VARS1: variants seen among roughly 807,000 people sequenced by gnomAD.
The protein encoded by VARS1 is valine--tRNA ligase.
Under a neutral mutation model 161.0 loss-of-function variants are expected in VARS1, and 92 were observed. The observed-to-expected ratio is 0.57, with a 90% CI of 0.48 to 0.68. The LOEUF is 0.68. VARS1 is among the 30% of genes least tolerant of loss of function. The pLI is 0.00. For synonymous variants in VARS1, 595 were observed against 682.5 expected (o/e 0.87, Z 2.00); for missense variants, 1,338 against 1,695.9 (o/e 0.79, Z 3.71).
At chr6:31,792,725 C>A (rs1562314174) in intron 4 of VARS1, 32 bp downstream of exon 4, 1 of 1,612,838 alleles carries the variant, frequency 6.2e-7, no homozygotes, top group Non-Finnish European at 8.5e-7. Flanking sequence ...CCCAGGGAAG[C>A]CCCTATCCTC....
chr6:31,779,020 A>T lies in VARS1; in HGVS notation c.3673T>A (p.Ser1225Thr). ...AQRLRERRAA[S>T]GYPVKVPLEV... Reference sequence around the variant, plus strand: ...AGCGGCACCTTGACAGGATAGCCCGAGGCAGCACGGCGTTCCCGCAGACGC... The same window carrying T: ...AGCGGCACCTTGACAGGATAGCCCGTGGCAGCACGGCGTTCCCGCAGACGC... The change falls in exon 29 of 30, where the codon TCG becomes ACG. Residue 1225 changes from serine to threonine, a missense_variant. Around this residue, in one of 3 missense-constraint regions of VARS1, gnomAD observed 433 missense variants for 586.2 expected, o/e 0.74. Transcript: ENST00000375663. This position sits in a 1 kb window ranked among gnomAD's most constrained non-coding sequence, Gnocchi z 9.1. 6.2e-7 allele frequency: 1 copy of T among 1,613,010 alleles called. No individual in the cohort carries two copies. The highest frequency in any genetic ancestry group is 8.5e-7 in the Non-Finnish European group (1 of 1,180,020).
rs1813053975 is a variant in VARS1, at chr6:31,780,348, G to A, written c.2925+93C>T. On this transcript the variant is annotated intron_variant, in intron 25 of 29. Transcript: ENST00000375663. This position sits in a 1 kb window ranked among gnomAD's most constrained non-coding sequence, Gnocchi z 5.1. ...TTTCCCTTTAACTGTCTGTCTCTGT[G>A]TCTATCTGTCCCCCCAGCTACATGG... 1 of 1,554,564 alleles carries A rather than the reference G, an allele frequency of 6.4e-7. No individual in the cohort carries two copies. The highest frequency in any genetic ancestry group is 8.7e-7 in the Non-Finnish European group (1 of 1,150,376).
chr6:31,777,688 A>G lies in VARS1; in HGVS notation c.3727-26T>C, dbSNP rs1419392752. On this transcript the variant is annotated intron_variant, in intron 29 of 29. Coordinates refer to ENST00000375663, the MANE Select transcript of VARS1 (RefSeq NM_006295.3). This position sits in a 1 kb window ranked among gnomAD's most constrained non-coding sequence, Gnocchi z 5.8. ...CTGGAGTGGAACCAGGGGGTGGGTG[A>G]GGACCCAGGTCCAAGTGAAGAGACC... The G allele has an allele frequency of 1.2e-6, 2 of 1,608,746 alleles. No homozygotes were observed. The highest frequency in any genetic ancestry group is 2.2e-5 in the South Asian group (2 of 90,106).
Position 31,794,894 on chromosome 6 carries a change from T to C in VARS1, c.324A>G (p.Ile108Met). Residue 108 changes from isoleucine (I) to methionine (M), a missense_variant, in exon 2 of 30, where the codon ATA (isoleucine) becomes ATG (methionine). By Grantham distance (10) the Ile-to-Met change is conservative. This residue lies in a region of VARS1 where 902 missense variants were observed against 1,090.3 expected (regional missense o/e 0.83). Transcript: ENST00000375663. ...GCAGCGTTGCTCCACAGGCAGCTGG[T>C]ATTAACTCCGTGTCGGCGTAACTGA... Reference protein sequence around the residue: ...QWVSYADTELIPAACGATLPA... With the variant: ...QWVSYADTELMPAACGATLPA... 6.2e-7 allele frequency: 1 copy of C among 1,612,636 alleles called. No individual in the cohort carries two copies. Among genetic ancestry groups the C allele is most frequent in the Non-Finnish European group, 8.5e-7 (1 of 1,179,878 alleles).
chr6:31,790,706 G>C (rs1315651673), intron 8 of VARS1, among the ~76,000 whole-genome samples: 1 of 151,710 alleles, frequency 6.6e-6, no homozygotes, highest in Non-Finnish European at 1.5e-5. Flanking sequence ...CAGTATGTGT[G>C]GTATGTGTGT....
chr6:31,781,361 C>A lies in VARS1; in HGVS notation c.2544+120G>T. 1 of 1,453,446 alleles carries A rather than the reference C, an allele frequency of 6.9e-7. No individual in the cohort carries two copies. 90.0% of individuals were successfully genotyped at this position (1,453,446 alleles called of 1,614,324 possible). ...GGCTGGATTTCAACCCCACACCAGC[C>A]CCCGGGTCAGGCCTGCCCACAGCTA... On this transcript the variant is annotated intron_variant, in intron 21 of 29. Transcript: ENST00000375663. The surrounding 1 kb of genome is among the most constrained non-coding windows in gnomAD (Gnocchi z 6.8).
intron 4 of VARS1, 70 bp downstream of exon 4, chr6:31,792,687 A>G: frequency 6.2e-7 from 1 of 1,601,036 alleles, no homozygotes; most frequent in Non-Finnish European, 8.5e-7. Context: ...ATTTCTAGGA[A>G]AAAAAGAAAG....
rs936472047 is a variant in VARS1 at position 31,779,337 on chromosome 6, G to A, written c.3401-45C>T. 4.4e-6 allele frequency: 7 copies of A among 1,601,314 alleles called. No homozygotes were observed. Among genetic ancestry groups the A allele is most frequent in the Non-Finnish European group, 5.9e-6 (7 of 1,179,078 alleles). ...GTGAGGCCTAGCTCCATGGAGACAG[G>A]AAACCAAGCAGTCACTGCCGGACAC... On this transcript the variant is annotated intron_variant, in intron 28 of 29. Coordinates refer to ENST00000375663, the MANE Select transcript of VARS1 (RefSeq NM_006295.3). This position sits in a 1 kb window ranked among gnomAD's most constrained non-coding sequence, Gnocchi z 9.1.
chr6:31,789,884 C>A (rs557963596), intron 8 of VARS1, among the ~76,000 whole-genome samples: 4 of 151,570 alleles, frequency 2.6e-5, no homozygotes, highest in Admixed American at 6.6e-5. Context: ...ATTAGCCGGG[C>A]GTGGTGGTGG....
rs1444342184 is a variant in VARS1, at chr6:31,783,153, G to A, written c.1705C>T (p.Leu569=). 6.2e-7 allele frequency: 1 copy of A among 1,612,844 alleles called. No homozygotes were observed. Among genetic ancestry groups the A allele is most frequent in the East Asian group, 2.2e-5 (1 of 44,888 alleles). ...LKGKNVIHPF[L]SRSLPIVFDE... is the part of the protein sequence containing the mutation. The stretch of plus-strand genomic sequence containing the variant: ...AAGACAATGGGAAGGCTCCGAGACA[G>A]GAATGGGTGGATCACGTTCTTCCCC... The change falls in exon 14 of 30, where the codon CTG becomes TTG. Residue 569 remains leucine, a synonymous_variant. Transcript: ENST00000375663.
Position 31,781,607 on chromosome 6 carries a change from C to A in VARS1, c.2419-1G>T. 6.2e-7 allele frequency: 1 copy of A among 1,612,996 alleles called. No individual in the cohort carries two copies. Among genetic ancestry groups the A allele is most frequent in the African/African-American group, 1.3e-5 (1 of 75,026 alleles). On this transcript the variant is annotated splice_acceptor_variant, in intron 20 of 29. Coordinates refer to ENST00000375663, the MANE Select transcript of VARS1 (RefSeq NM_006295.3). LOFTEE classifies it high-confidence loss of function. The surrounding 1 kb of genome is among the most constrained non-coding windows in gnomAD (Gnocchi z 6.8). ...GGTAGAACACACTCAGGTCTTCTGA[C>A]TGAGGGCAGACCAGGGTGTGAAGGG...
At position 31,781,055 on chromosome 6, in the gene VARS1, G is replaced by A. The variant is rs746462325; in HGVS notation, c.2613C>T (p.Ile871=). The stretch of plus-strand genomic sequence containing the variant: ...TTCCATAGATGACGTCCAGGGGATC[G>A]ATGACATTGCCTAGAGACTTGCTCA... ...RKMSKSLGNV[I]DPLDVIYGIS... is the part of the protein sequence containing the mutation. Residue 871 remains isoleucine (I), a synonymous_variant, in exon 22 of 30, where the codon ATC becomes ATT. Coordinates refer to ENST00000375663, the MANE Select transcript of VARS1 (RefSeq NM_006295.3). This position sits in a 1 kb window ranked among gnomAD's most constrained non-coding sequence, Gnocchi z 6.8. The A allele has an allele frequency of 8.7e-6, 14 of 1,613,862 alleles. No individual in the cohort carries two copies. In the South Asian group the frequency reaches 8.8e-5, roughly 10 times the overall value.
Position 31,791,972 on chromosome 6 carries a change from C to A in VARS1, c.872-1G>T. 6.3e-7 allele frequency: 1 copy of A among 1,581,032 alleles called. No homozygotes were observed. Among genetic ancestry groups the A allele is most frequent in the Non-Finnish European group, 8.6e-7 (1 of 1,162,596 alleles). Reference sequence around the variant, plus strand: ...GAGTCGGGCATGGGGCCACTGACATCTGGGGGAGAGGAAGGGAGGGCTCAG... The same window carrying A: ...GAGTCGGGCATGGGGCCACTGACATATGGGGGAGAGGAAGGGAGGGCTCAG... On this transcript the variant is annotated splice_acceptor_variant, in intron 6 of 29. Coordinates refer to ENST00000375663, the MANE Select transcript of VARS1 (RefSeq NM_006295.3). LOFTEE classifies it high-confidence loss of function. The surrounding 1 kb of genome is among the most constrained non-coding windows in gnomAD (Gnocchi z 5.0).
chr6:31,783,207 A>G, intron 13 of VARS1, 21 bp from the exon 14 acceptor site: 1 of 1,609,704 alleles, frequency 6.2e-7, no homozygotes, highest in Non-Finnish European at 8.5e-7. Context: ...AAAGATACCA[A>G]AAACGCATGA....
chr6:31,789,587 C>T (rs1353416056), intron 8 of VARS1, among the ~76,000 whole-genome samples: 3 of 152,130 alleles, frequency 2.0e-5, no homozygotes, highest in South Asian at 2.1e-4. Context: ...GTGCCCCTGC[C>T]GACCTAGCAG....
chr6:31,777,569 G>C lies in VARS1; in HGVS notation c.*25C>G. 6.2e-7 allele frequency: 1 copy of C among 1,613,818 alleles called. No individual in the cohort carries two copies. Among genetic ancestry groups the C allele is most frequent in the South Asian group, 1.1e-5 (1 of 91,064 alleles). ...CCATCCCCATGGTGAGCCGCTGGGG[G>C]TGAGGGGTGAAGCTGGGTGGTGGAT... On this transcript the variant is annotated 3_prime_UTR_variant, in exon 30 of 30. Transcript: ENST00000375663. This position sits in a 1 kb window ranked among gnomAD's most constrained non-coding sequence, Gnocchi z 5.8.
At chr6:31,788,911 T>C (rs879439600) in intron 8 of VARS1, among the ~76,000 whole-genome samples, 1 of 151,150 alleles carries the variant, frequency 6.6e-6, no homozygotes, top group Non-Finnish European at 1.5e-5. Flanking sequence ...ATATTCCCAG[T>C]GCTCAGAGCA....
Position 31,779,270 on chromosome 6 carries a change from C to A in VARS1, c.3423G>T (p.Glu1141Asp). 1.2e-6 allele frequency: 2 copies of A among 1,603,278 alleles called. No individual in the cohort carries two copies. The highest frequency in any genetic ancestry group is 1.7e-6 in the Non-Finnish European group (2 of 1,179,576). Reference sequence around the variant, plus strand: ...CCGCCGATGCCAGGGCGCCCGTGGCCTCATCCGCCACTTCCAGGAAACCTG... The same window carrying A: ...CCGCCGATGCCAGGGCGCCCGTGGCATCATCCGCCACTTCCAGGAAACCTG... ...RPDCFLEVAD[E>D]ATGALASAVS... Residue 1141 changes from glutamate (E) to aspartate (D), a missense_variant, in exon 29 of 30, where the codon GAG becomes GAT. Physicochemically the swap from Glu to Asp is conservative, Grantham distance 45 (BLOSUM62 2). This residue lies in a region of VARS1 where 433 missense variants were observed against 586.2 expected (regional missense o/e 0.74). Transcript: ENST00000375663. This position sits in a 1 kb window ranked among gnomAD's most constrained non-coding sequence, Gnocchi z 9.1.
rs747572582 is a variant in VARS1, at chr6:31,782,370, C to G, written c.2065G>C (p.Ala689Pro). The G allele has an allele frequency of 6.2e-7, 1 of 1,612,624 alleles. No homozygotes were observed. Among genetic ancestry groups the G allele is most frequent in the Admixed American group, 1.7e-5 (1 of 59,964 alleles). The change falls in exon 17 of 30, where the codon GCC becomes CCC. Residue 689 changes from alanine to proline, a missense_variant. Transcript: ENST00000375663. The surrounding 1 kb of genome is among the most constrained non-coding windows in gnomAD (Gnocchi z 8.3). ...TCACCCCGAGTCACAGCGGCGCTGGCAGCCTGGGCCATCTCCCCGCAGCGA... is the reference window on the plus strand; with the variant it reads ...TCACCCCGAGTCACAGCGGCGCTGGGAGCCTGGGCCATCTCCCCGCAGCGA... ...YVRCGEMAQA[A>P]SAAVTRGDLR...
Sources: gnomAD v4.1 joint callset for allele counts (sites outside exome capture counted in the v4.1 genomes callset) on GRCh38, gnomAD v4.1.1 for gene constraint, gnomAD v4.1.1 regional missense constraint, Gnocchi (gnomAD v3.1) non-coding constraint, MANE v1.5 for transcripts, NCBI Gene and HGNC (gene_info 2026-07-23, HGNC 2026-07-21) for gene names.